NHERF1: variants seen among roughly 807,000 people sequenced by gnomAD.
NHERF1 encodes Na(+)/H(+) exchange regulatory cofactor NHE-RF1.
At chr17:74,764,138 GCA>G in the NHERF1 span, among the ~76,000 whole-genome samples, 2 of 152,274 alleles carry the variant, frequency 1.3e-5, no homozygotes, top group African/African-American at 4.8e-5. This position sits in a 1 kb window ranked among gnomAD's most constrained non-coding sequence, Gnocchi z 4.9. Flanking sequence ...GAGGGGTTAA[GCA>G]TGCTCTGCTC....
chr17:74,755,048 G>A, the NHERF1 span, among the ~76,000 whole-genome samples: 1 of 152,198 alleles, frequency 6.6e-6, no homozygotes, highest in Non-Finnish European at 1.5e-5. Context: ...CAGCGCAGGG[G>A]TGTGTCTTGG....
At chr17:74,755,245 T>A in the NHERF1 span, among the ~76,000 whole-genome samples, 1 of 152,208 alleles carries the variant, frequency 6.6e-6, no homozygotes. Flanking sequence ...CAGGTGCTCC[T>A]GTCCCTAGCA....
the NHERF1 span, among the ~76,000 whole-genome samples, chr17:74,758,696 C>G: frequency 6.6e-6 from 1 of 152,208 alleles, no homozygotes; most frequent in Non-Finnish European, 1.5e-5. This position sits in a 1 kb window ranked among gnomAD's most constrained non-coding sequence, Gnocchi z 4.3. Flanking sequence ...ATCCTGGGGG[C>G]CACACACCAA....
the NHERF1 span, chr17:74,763,185 A>G: frequency 3.5e-6 from 2 of 578,504 alleles, no homozygotes; most frequent in Non-Finnish European, 6.1e-6. Context: ...GCTGACTGTC[A>G]ATGGGAGGAC....
chr17:74,763,432 G>T, the NHERF1 span: 1 of 1,614,106 alleles, frequency 6.2e-7, no homozygotes, highest in Non-Finnish European at 8.5e-7. Context: ...GGGCTGGCGG[G>T]GACGAGACCA....
At chr17:74,750,722 CT>C in the NHERF1 span, among the ~76,000 whole-genome samples, 8,189 of 131,154 alleles carry the variant, frequency 0.062, 343 homozygotes, top group African/African-American at 0.14. Context: ...ATTTGACATT[CT>C]TTTTTTTTTT....
At chr17:74,762,081 G>C in the NHERF1 span, 1 of 1,614,086 alleles carries the variant, frequency 6.2e-7, no homozygotes, top group Non-Finnish European at 8.5e-7. This position sits in a 1 kb window ranked among gnomAD's most constrained non-coding sequence, Gnocchi z 4.2. Context: ...CCTGCACAGC[G>C]ACAAGTCCAA....
chr17:74,749,186 C>T, the NHERF1 span: 1 of 1,528,696 alleles, frequency 6.5e-7, no homozygotes. The surrounding 1 kb of genome is among the most constrained non-coding windows in gnomAD (Gnocchi z 5.6). Flanking sequence ...GCTGCGCGCC[C>T]AGGAAGCGCC....
At chr17:74,765,911 G>A in the NHERF1 span, among the ~76,000 whole-genome samples, 1 of 151,858 alleles carries the variant, frequency 6.6e-6, no homozygotes, top group East Asian at 1.9e-4. Context: ...TTCCAATTTT[G>A]GTGTCATCAT....
chr17:74,749,236 G>A, the NHERF1 span: 3 of 1,529,398 alleles, frequency 2.0e-6, no homozygotes, highest in Non-Finnish European at 2.6e-6. The surrounding 1 kb of genome is among the most constrained non-coding windows in gnomAD (Gnocchi z 5.6). Flanking sequence ...AGGTGCAGGG[G>A]GCTGGCAACG....
chr17:74,749,024 G>A, the NHERF1 span: 4 of 1,605,448 alleles, frequency 2.5e-6, no homozygotes, highest in Non-Finnish European at 3.4e-6. The surrounding 1 kb of genome is among the most constrained non-coding windows in gnomAD (Gnocchi z 5.6). Context: ...GGACCGGCTG[G>A]TGGAGGTGAA....
At chr17:74,749,307 C>T in the NHERF1 span, 1 of 1,523,786 alleles carries the variant, frequency 6.6e-7, no homozygotes, top group African/African-American at 1.4e-5. The surrounding 1 kb of genome is among the most constrained non-coding windows in gnomAD (Gnocchi z 5.6). Context: ...GCCCAAGCCG[C>T]GCAGGCTGGC....
At chr17:74,752,991 G>A in the NHERF1 span, among the ~76,000 whole-genome samples, 3 of 152,106 alleles carry the variant, frequency 2.0e-5, no homozygotes, top group East Asian at 3.8e-4. Context: ...AGCTCATCCC[G>A]CCCCGCCCAG....
chr17:74,768,068 C>A, the NHERF1 span: 1 of 1,001,412 alleles, frequency 1.0e-6, no homozygotes, highest in African/African-American at 1.6e-5. Context: ...GAGGCCCCTA[C>A]TTCCCCAGGA....
chr17:74,753,543 T>G, the NHERF1 span, among the ~76,000 whole-genome samples: 2 of 152,210 alleles, frequency 1.3e-5, no homozygotes, highest in South Asian at 4.1e-4. Flanking sequence ...GGTTCTTACC[T>G]TCAAGCTCCT....
chr17:74,762,099 C>T, the NHERF1 span: 9 of 1,614,164 alleles, frequency 5.6e-6, no homozygotes, highest in Admixed American at 1.3e-4. This position sits in a 1 kb window ranked among gnomAD's most constrained non-coding sequence, Gnocchi z 4.2. Context: ...CAAGCCAGGC[C>T]AGTTCATCCG....
the NHERF1 span, chr17:74,763,297 A>G: frequency 6.6e-7 from 1 of 1,507,780 alleles, no homozygotes. Flanking sequence ...CCTGCCCCCA[A>G]CCCCCCTCCA....
chr17:74,763,544 C>T, the NHERF1 span: 17 of 1,565,282 alleles, frequency 1.1e-5, no homozygotes, highest in Non-Finnish European at 1.3e-5. Context: ...GGCCACTGGC[C>T]GTCCTGGGGC....
At chr17:74,752,388 TC>T in the NHERF1 span, among the ~76,000 whole-genome samples, 1 of 151,848 alleles carries the variant, frequency 6.6e-6, no homozygotes, top group South Asian at 2.1e-4. Context: ...GGGTCCGAAT[TC>T]CCCTCTAGCC....
Sources: gnomAD v4.1 joint callset for allele counts (sites outside exome capture counted in the v4.1 genomes callset) on GRCh38, gnomAD v4.1.1 for gene constraint, Gnocchi (gnomAD v3.1) non-coding constraint, MANE v1.5 for transcripts, NCBI Gene and HGNC (gene_info 2026-07-23, HGNC 2026-07-21) for gene names.